BCAS3: variants seen among roughly 807,000 people sequenced by gnomAD.
BCAS3 encodes BCAS3 microtubule associated cell migration factor.
BCAS3 carries 53 observed loss-of-function variants against 116.1 expected under a neutral mutation model. The observed-to-expected ratio is 0.46, with a 90% CI of 0.37 to 0.57. The LOEUF (loss-of-function observed/expected upper bound fraction) is 0.57, where lower values mean the gene tolerates loss of function less well. Ranked by LOEUF, BCAS3 falls within the 20% of genes least tolerant of loss-of-function variation. The pLI is 0.00. For synonymous variants in BCAS3, 391 were observed against 408.2 expected, an observed-to-expected ratio of 0.96 and a Z score of 0.51; for missense variants, 917 against 1,165.4, an observed-to-expected ratio of 0.79 and a Z score of 3.10.
At chr17:60,858,042 C>T (rs778706270) in intron 7 of BCAS3, among the ~76,000 whole-genome samples, 20 of 152,038 alleles carry the variant, frequency 1.3e-4, no homozygotes, top group African/African-American at 3.4e-4. Flanking sequence ...TAATTGAAGG[C>T]GACAGGCTGC....
chr17:61,288,685 A>C (rs557879144), intron 22 of BCAS3, among the ~76,000 whole-genome samples: 1 of 152,316 alleles, frequency 6.6e-6, no homozygotes, highest in East Asian at 1.9e-4. Context: ...GATATGGCGC[A>C]CTGAAGGACT....
In BCAS3 at chr17:61,313,157, G is replaced by T. The variant is rs1226579145; in HGVS notation, c.2426-55170G>T. Among the ~76,000 whole-genome samples, 1 of 152,192 alleles carries T rather than the reference G, an allele frequency of 6.6e-6. No homozygotes were observed. The highest frequency in any genetic ancestry group is 1.5e-5 in the Non-Finnish European group (1 of 68,034). ...ATAGTGATGACCAAAACAGTCTTTG[G>T]ATTCATGGCAATTACTGCCAGGTAG... is the stretch of plus-strand genomic sequence containing the variant. On this transcript the variant is annotated intron_variant, in intron 22 of 23. Transcript: ENST00000407086. This position sits in a 1 kb window ranked among gnomAD's most constrained non-coding sequence, Gnocchi z 4.3.
chr17:61,056,286 G>A lies in BCAS3; in HGVS notation c.2029+15394G>A, dbSNP rs1015573478. Among the ~76,000 whole-genome samples the A allele has an allele frequency of 1.3e-5, 2 of 152,150 alleles. No individual in the cohort carries two copies. Among genetic ancestry groups the A allele is most frequent in the African/African-American group, 4.8e-5 (2 of 41,422 alleles). On this transcript the variant is annotated intron_variant, in intron 19 of 23. Coordinates refer to ENST00000407086, the MANE Select transcript of BCAS3 (RefSeq NM_017679.5). The surrounding 1 kb of genome is among the most constrained non-coding windows in gnomAD (Gnocchi z 4.9). ...GGTGTCAACTGAAGGACAGCCTTCC[G>A]CGAGTTGGAGTCTTGACCACCAGTA...
chr17:60,756,942 A>G (rs1036449124), intron 6 of BCAS3, among the ~76,000 whole-genome samples: 3 of 152,100 alleles, frequency 2.0e-5, no homozygotes, highest in Non-Finnish European at 2.9e-5. Flanking sequence ...ATCCCAGCGG[A>G]TCACGAGGTC....
At position 61,071,985 on chromosome 17, in the gene BCAS3, A is replaced by G. The variant is rs183644134; in HGVS notation, c.2030-2935A>G. On this transcript the variant is annotated intron_variant, in intron 19 of 23. Coordinates refer to ENST00000407086, the MANE Select transcript of BCAS3 (RefSeq NM_017679.5). ...GAGGCAGAGGAAGGATATTTATTTG[A>G]TAATGAAAAATATTATCCCACCAGA... Among the ~76,000 whole-genome samples, 131 of 152,300 alleles carry G rather than the reference A, an allele frequency of 8.6e-4. 1 individual carries two copies. Among genetic ancestry groups the G allele is most frequent in the Non-Finnish European group, 7.5e-4 (51 of 68,022 alleles).
chr17:61,045,873 A>C (rs1339338617), intron 19 of BCAS3, among the ~76,000 whole-genome samples: 6 of 48,710 alleles, frequency 1.2e-4, no homozygotes, highest in Admixed American at 3.6e-4. Flanking sequence ...ATAAATATAT[A>C]TAAATATATA....
chr17:61,250,530 A>C (rs1173026599), intron 22 of BCAS3, among the ~76,000 whole-genome samples: 2 of 152,210 alleles, frequency 1.3e-5, no homozygotes, highest in African/African-American at 4.8e-5. Flanking sequence ...TCATGAAGGC[A>C]TTAGGGAAGC....
At position 61,118,666 on chromosome 17, in the gene BCAS3, G is replaced by A. The variant is rs1001946310; in HGVS notation, c.2425+34102G>A. 6.6e-6 allele frequency among the ~76,000 whole-genome samples: 1 copy of A among 152,150 alleles called. No individual in the cohort carries two copies. Among genetic ancestry groups the A allele is most frequent in the Non-Finnish European group, 1.5e-5 (1 of 68,030 alleles). On this transcript the variant is annotated intron_variant, in intron 22 of 23. Transcript: ENST00000407086. This position sits in a 1 kb window ranked among gnomAD's most constrained non-coding sequence, Gnocchi z 5.0. ...AGTTTTTGTGTGGCGTTTGGGTAGA[G>A]AGAAGCAATTATTGTCTAAAAGTTT...
chr17:60,898,198 C>T (rs1350379486), intron 10 of BCAS3, among the ~76,000 whole-genome samples: 2 of 152,056 alleles, frequency 1.3e-5, no homozygotes, highest in African/African-American at 2.4e-5. Context: ...TATAAATGGG[C>T]TCTCATAAAT....
At chr17:61,102,906 G>A (rs1008308796) in intron 22 of BCAS3, among the ~76,000 whole-genome samples, 15 of 152,018 alleles carry the variant, frequency 9.9e-5, no homozygotes, top group African/African-American at 3.6e-4. Context: ...TTTTAGTTTT[G>A]CTCTTCACGT....
intron 22 of BCAS3, among the ~76,000 whole-genome samples, chr17:61,174,290 G>A (rs2079016880): frequency 6.6e-6 from 1 of 152,118 alleles, no homozygotes; most frequent in Non-Finnish European, 1.5e-5. Flanking sequence ...CTAAAACTTT[G>A]TGCCGTTTGA....
intron 13 of BCAS3, among the ~76,000 whole-genome samples, chr17:60,942,362 G>T (rs2060270081): frequency 6.6e-6 from 1 of 152,176 alleles, no homozygotes; most frequent in African/African-American, 2.4e-5. Context: ...GGGAGGCGGA[G>T]GTTGCAGTGA....
intron 7 of BCAS3, among the ~76,000 whole-genome samples, chr17:60,862,458 G>C (rs1347827321): frequency 2.0e-5 from 3 of 152,018 alleles, no homozygotes; most frequent in Non-Finnish European, 4.4e-5. Flanking sequence ...CTCATTGGTA[G>C]GTTTTAAAAA....
At chr17:61,369,590 T>A (rs1201064018) in intron 23 of BCAS3, among the ~76,000 whole-genome samples, 1 of 152,188 alleles carries the variant, frequency 6.6e-6, no homozygotes, top group African/African-American at 2.4e-5. Context: ...GTTTCCCTCA[T>A]CCATCCCCAT....
intron 10 of BCAS3, among the ~76,000 whole-genome samples, chr17:60,901,212 T>TAA (rs879817022): frequency 1.4e-5 from 2 of 142,462 alleles, no homozygotes; most frequent in Non-Finnish European, 1.5e-5. Context: ...CTCTGTCTCT[T>TAA]AAAAAAAAAA....
chr17:61,294,095 A>G (rs2052677681), intron 22 of BCAS3, among the ~76,000 whole-genome samples: 1 of 152,206 alleles, frequency 6.6e-6, no homozygotes, highest in Admixed American at 6.5e-5. Context: ...CTCTAGTTAA[A>G]TAGTTAAGCA....
intron 14 of BCAS3, among the ~76,000 whole-genome samples, chr17:60,973,743 C>T (rs1284705365): frequency 6.6e-6 from 1 of 151,838 alleles, no homozygotes; most frequent in Non-Finnish European, 1.5e-5. Flanking sequence ...CAGGCGCATG[C>T]ACCACACCCG....
rs9913118 is a variant in BCAS3 at position 60,684,477 on chromosome 17, C to T, written c.138+441C>T. 1.6e-3 allele frequency among the ~76,000 whole-genome samples: 243 copies of T among 151,958 alleles called. 2 individuals carry two copies. Among genetic ancestry groups the T allele is most frequent in the African/African-American group, 5.7e-3 (234 of 41,390 alleles). On this transcript the variant is annotated intron_variant, in intron 3 of 23. Transcript: ENST00000407086. ...TTATGCCAACTAAGGTATCCTGTTA[C>T]TCTAACTGATAAAAGATTAAGTCTT...
At chr17:61,059,716 T>G (rs111775410) in intron 19 of BCAS3, among the ~76,000 whole-genome samples, 1 of 152,086 alleles carries the variant, frequency 6.6e-6, no homozygotes, top group South Asian at 2.1e-4. Context: ...TTGGGCACAT[T>G]TTCAAAGCTA....
Sources: gnomAD v4.1 joint callset for allele counts (sites outside exome capture counted in the v4.1 genomes callset) on GRCh38, gnomAD v4.1.1 for gene constraint, Gnocchi (gnomAD v3.1) non-coding constraint, MANE v1.5 for transcripts, NCBI Gene and HGNC (gene_info 2026-07-23, HGNC 2026-07-21) for gene names.